Variants in CAMK1D observed in about 807,000 individuals in gnomAD.
The protein encoded by CAMK1D is calcium/calmodulin-dependent protein kinase type 1D.
CAMK1D carries 9 observed loss-of-function variants against 47.7 expected under a neutral mutation model. The observed-to-expected ratio is 0.19, with a 90% CI of 0.11 to 0.33. CAMK1D has a LOEUF of 0.33. Among genes scored for constraint, CAMK1D ranks in the 10% least tolerant of loss-of-function variants. The pLI is 1.00. For missense variants in CAMK1D, 291 were observed against 488.7 expected, an observed-to-expected ratio of 0.60 and a Z score of 3.81; for synonymous variants, 184 against 184.9, an observed-to-expected ratio of 0.99 and a Z score of 0.04.
chr10:12,547,682 TCACACA>T (rs1554786375), intron 1 of CAMK1D, among the ~76,000 whole-genome samples: 1 of 116,508 alleles, frequency 8.6e-6, no homozygotes, highest in Non-Finnish European at 1.7e-5. Flanking sequence ...TTTCTCTCTC[TCACACA>T]CACACACACA....
Position 12,830,886 on chromosome 10 carries a change from C to A in CAMK1D, c.*1999C>A. 6.5e-6 allele frequency: 1 copy of A among 153,028 alleles called. No individual in the cohort carries two copies. Among genetic ancestry groups the A allele is most frequent in the Non-Finnish European group, 1.4e-5 (1 of 69,656 alleles). 9.5% of individuals were successfully genotyped at this position (153,028 alleles called of 1,614,324 possible). On this transcript the variant is annotated 3_prime_UTR_variant, in exon 11 of 11. Transcript: ENST00000619168. ...TCACTTCTACACCTTTGAGTATGTA[C>A]AGGCTGAATGTTGAGTGATGCCCCC...
chr10:12,764,473 T>C (rs1039809747), intron 4 of CAMK1D, among the ~76,000 whole-genome samples: 4 of 146,682 alleles, frequency 2.7e-5, no homozygotes, highest in Non-Finnish European at 4.5e-5. Flanking sequence ...CAGCATTTTA[T>C]TGACCCAGAT....
chr10:12,378,539 A>T, intron 1 of CAMK1D, among the ~76,000 whole-genome samples: 1 of 112,320 alleles, frequency 8.9e-6, no homozygotes. Context: ...CTGGCCCCTT[A>T]GTATTTTTTT....
chr10:12,545,189 G>A (rs1327977991), intron 1 of CAMK1D, among the ~76,000 whole-genome samples: 1 of 152,208 alleles, frequency 6.6e-6, no homozygotes, highest in East Asian at 1.9e-4. Context: ...CAGAATGAGG[G>A]CATCATTCTG....
At chr10:12,478,876 T>C (rs1833979196) in intron 1 of CAMK1D, among the ~76,000 whole-genome samples, 1 of 152,212 alleles carries the variant, frequency 6.6e-6, no homozygotes, top group African/African-American at 2.4e-5. Context: ...TCTGTTCTGC[T>C]GACATGAATG....
intron 3 of CAMK1D, among the ~76,000 whole-genome samples, chr10:12,751,052 A>G (rs899623283): frequency 4.2e-3 from 1 of 236 alleles, no homozygotes; most frequent in Non-Finnish European, 9.8e-3. Context: ...GTCTCCCCCA[A>G]TAAGATAAGA....
chr10:12,357,265 G>A (rs1274366052), intron 1 of CAMK1D, among the ~76,000 whole-genome samples: 2 of 151,926 alleles, frequency 1.3e-5, no homozygotes, highest in Non-Finnish European at 2.9e-5. Flanking sequence ...TCTGCCACCC[G>A]AGTTCAAGCG....
intron 5 of CAMK1D, among the ~76,000 whole-genome samples, chr10:12,788,264 C>T (rs1194345088): frequency 1.3e-5 from 2 of 152,174 alleles, no homozygotes; most frequent in East Asian, 1.9e-4. Flanking sequence ...GATCATAGCT[C>T]ACTGCAGCCT....
chr10:12,738,628 C>T (rs997765323), intron 3 of CAMK1D, among the ~76,000 whole-genome samples: 2 of 151,684 alleles, frequency 1.3e-5, no homozygotes, highest in East Asian at 1.9e-4. Context: ...GTCAGGAGAT[C>T]GAGACCATCC....
At chr10:12,572,042 C>CCG (rs1554790468) in intron 2 of CAMK1D, among the ~76,000 whole-genome samples, 4 of 140,980 alleles carry the variant, frequency 2.8e-5, no homozygotes, top group African/African-American at 7.9e-5. Context: ...AAACTAAACC[C>CCG]CCCCCCAAAA....
In CAMK1D at chr10:12,605,995, T is replaced by G. The variant is rs542866043; in HGVS notation, c.224+52639T>G. On this transcript the variant is annotated intron_variant, in intron 2 of 10. Coordinates refer to ENST00000619168, the MANE Select transcript of CAMK1D (RefSeq NM_153498.4). Reference sequence around the variant, plus strand: ...GCAGAATTTGGCCGTGAGAGAAGCATTGCAAAGGTCATCGTAGGCCTGACT... The same window carrying G: ...GCAGAATTTGGCCGTGAGAGAAGCAGTGCAAAGGTCATCGTAGGCCTGACT... Among the ~76,000 whole-genome samples the G allele has an allele frequency of 3.3e-5, 5 of 152,266 alleles. No homozygotes were observed. In the East Asian group the frequency reaches 9.6e-4, roughly 29 times the overall value.
Position 12,553,210 on chromosome 10 carries a change from C to A in CAMK1D, c.93-15C>A. On this transcript the variant is annotated splice_polypyrimidine_tract_variant and intron_variant, in intron 1 of 10. Coordinates refer to ENST00000619168, the MANE Select transcript of CAMK1D (RefSeq NM_153498.4). ...TTCTGCATCTAAGTGTTCTTTTTTC[C>A]TTCTTTGTTCACAGCGGGGCCTTTT... is the stretch of plus-strand genomic sequence containing the variant. 1 of 1,609,842 alleles carries A rather than the reference C, an allele frequency of 6.2e-7. No homozygotes were observed. Among genetic ancestry groups the A allele is most frequent in the South Asian group, 1.1e-5 (1 of 90,286 alleles).
intron 3 of CAMK1D, among the ~76,000 whole-genome samples, chr10:12,756,725 C>G (rs1177113938): frequency 6.6e-6 from 1 of 152,098 alleles, no homozygotes; most frequent in Non-Finnish European, 1.5e-5. Flanking sequence ...AGAAGATCGA[C>G]ACCATCCTGG....
intron 1 of CAMK1D, among the ~76,000 whole-genome samples, chr10:12,514,276 T>C (rs769140300): frequency 8.5e-5 from 13 of 152,210 alleles, no homozygotes; most frequent in Admixed American, 2.0e-4. Context: ...CACACACATA[T>C]ATTGCTTATA....
At chr10:12,495,190 CT>C (rs1834499929) in intron 1 of CAMK1D, among the ~76,000 whole-genome samples, 1 of 152,152 alleles carries the variant, frequency 6.6e-6, no homozygotes. Context: ...TTGTGAATTT[CT>C]CAGAACAAAA....
At chr10:12,610,413 A>G (rs1217199038) in intron 2 of CAMK1D, among the ~76,000 whole-genome samples, 1 of 152,108 alleles carries the variant, frequency 6.6e-6, no homozygotes, top group Admixed American at 6.5e-5. Flanking sequence ...TTCTGATACT[A>G]TGGTGCTGTC....
At chr10:12,390,644 G>C (rs1436770533) in intron 1 of CAMK1D, among the ~76,000 whole-genome samples, 2 of 152,190 alleles carry the variant, frequency 1.3e-5, no homozygotes, top group African/African-American at 4.8e-5. Flanking sequence ...TGAGCTCCGG[G>C]ACTTGTGCAG....
At chr10:12,611,484 A>AAGAC (rs1251523356) in intron 2 of CAMK1D, among the ~76,000 whole-genome samples, 15 of 151,748 alleles carry the variant, frequency 9.9e-5, no homozygotes, top group Non-Finnish European at 2.1e-4. Flanking sequence ...TGGGCCTGAG[A>AAGAC]AGACATCTCT....
At chr10:12,616,143 A>C (rs1713873836) in intron 2 of CAMK1D, among the ~76,000 whole-genome samples, 1 of 151,952 alleles carries the variant, frequency 6.6e-6, no homozygotes, top group Admixed American at 6.6e-5. Flanking sequence ...TGTGTGTATA[A>C]ATGTACGTGT....
Sources: allele counts gnomAD v4.1 joint callset (sites outside exome capture counted in the v4.1 genomes callset), GRCh38; gene constraint gnomAD v4.1.1; transcripts MANE v1.5; gene names NCBI Gene and HGNC (gene_info 2026-07-23, HGNC 2026-07-21).